GRIA2: variants seen among roughly 807,000 people sequenced by gnomAD.
The protein encoded by GRIA2 is glutamate ionotropic receptor AMPA type subunit 2, also known as glutamate receptor 2.
A neutral mutation model predicts 97.3 loss-of-function variants in GRIA2; 14 were observed. The ratio of observed to expected loss-of-function variants is 0.14; its 90% CI spans 0.10 to 0.23. The LOEUF is 0.23. Ranked by LOEUF, GRIA2 falls within the 10% of genes least tolerant of loss-of-function variation. The probability of loss-of-function intolerance (pLI) is 1.00; values close to 1 mark genes in which losing one functional copy is unlikely to be tolerated. For synonymous variants in GRIA2, 412 were observed against 387.8 expected, an observed-to-expected ratio of 1.06 and a Z score of -0.73; for missense variants, 558 against 1,069.8, an observed-to-expected ratio of 0.52 and a Z score of 6.67.
At chr4:157,232,710 C>G (rs1049058259) in intron 2 of GRIA2, among the ~76,000 whole-genome samples, 2 of 152,048 alleles carry the variant, frequency 1.3e-5, no homozygotes, top group African/African-American at 4.8e-5. Context: ...AGAGCACACA[C>G]AAGTTCAGGG....
intron 12 of GRIA2, among the ~76,000 whole-genome samples, chr4:157,350,748 T>G (rs995246499): frequency 6.6e-6 from 1 of 152,024 alleles, no homozygotes; most frequent in Non-Finnish European, 1.5e-5. Context: ...AATCTTTAAG[T>G]TTATTAGCTT....
At chr4:157,293,792 A>C (rs921336370) in intron 2 of GRIA2, among the ~76,000 whole-genome samples, 6 of 152,100 alleles carry the variant, frequency 3.9e-5, no homozygotes, top group Admixed American at 2.0e-4. Flanking sequence ...GGCGACAGTC[A>C]GGGCAATGTT....
chr4:157,278,324 A>G (rs1243487512), intron 2 of GRIA2, among the ~76,000 whole-genome samples: 1 of 151,920 alleles, frequency 6.6e-6, no homozygotes, highest in African/African-American at 2.4e-5. Flanking sequence ...GACTCATATA[A>G]GTATAGTCAA....
chr4:157,313,383 T>C (rs1734169773), intron 4 of GRIA2, among the ~76,000 whole-genome samples: 2 of 152,122 alleles, frequency 1.3e-5, no homozygotes. Flanking sequence ...AAAACATTGA[T>C]TTGTGAAATT....
intron 2 of GRIA2, among the ~76,000 whole-genome samples, chr4:157,292,026 A>G (rs967127342): frequency 6.6e-6 from 1 of 152,034 alleles, no homozygotes; most frequent in African/African-American, 2.4e-5. Flanking sequence ...AACTACTGAG[A>G]ATCATAAAAC....
At chr4:157,246,679 A>G (rs1460860406) in intron 2 of GRIA2, among the ~76,000 whole-genome samples, 1 of 152,106 alleles carries the variant, frequency 6.6e-6, no homozygotes, top group African/African-American at 2.4e-5. Context: ...TGTACTCTGT[A>G]ATATCATCTG....
intron 2 of GRIA2, among the ~76,000 whole-genome samples, chr4:157,286,551 A>G (rs898721598): frequency 6.6e-6 from 1 of 151,524 alleles, no homozygotes; most frequent in African/African-American, 2.4e-5. Flanking sequence ...TCTTTATAAT[A>G]TCATCTTTCT....
At chr4:157,274,018 A>G (rs1732160252) in intron 2 of GRIA2, among the ~76,000 whole-genome samples, 1 of 152,126 alleles carries the variant, frequency 6.6e-6, no homozygotes, top group South Asian at 2.1e-4. Context: ...AAAGAATTAT[A>G]TCTGACTTAC....
In GRIA2 at chr4:157,361,190, A is replaced by T; in HGVS notation, c.2406+66A>T. 1 of 1,247,498 alleles carries T rather than the reference A, an allele frequency of 8.0e-7. No individual in the cohort carries two copies. Among genetic ancestry groups the T allele is most frequent in the South Asian group, 1.2e-5 (1 of 81,370 alleles). 77.3% of individuals were successfully genotyped at this position (1,247,498 alleles called of 1,614,324 possible). On this transcript the variant is annotated intron_variant, in intron 14 of 15. Coordinates refer to ENST00000264426, the MANE Select transcript of GRIA2 (RefSeq NM_001083619.3). The surrounding 1 kb of genome is among the most constrained non-coding windows in gnomAD (Gnocchi z 5.2). The stretch of plus-strand genomic sequence containing the variant: ...AACAAAGTAAGCAGCAGCTATGCAC[A>T]GTGTGGGCACTCCGTGCCACCAAGT...
chr4:157,357,395 T>A (rs190800527), intron 12 of GRIA2, among the ~76,000 whole-genome samples: 2 of 152,192 alleles, frequency 1.3e-5, no homozygotes, highest in Admixed American at 1.3e-4. Flanking sequence ...TTTATTAACT[T>A]TGTTAAAAAA....
intron 12 of GRIA2, among the ~76,000 whole-genome samples, chr4:157,343,142 G>A (rs1299980599): frequency 2.6e-5 from 4 of 152,038 alleles, no homozygotes; most frequent in Non-Finnish European, 5.9e-5. Context: ...TGCAATCGTG[G>A]AGGTTGTATA....
intron 12 of GRIA2, among the ~76,000 whole-genome samples, chr4:157,358,252 G>A (rs1380307343): frequency 6.6e-6 from 1 of 152,106 alleles, no homozygotes; most frequent in Non-Finnish European, 1.5e-5. Flanking sequence ...AGTAGGCAAA[G>A]TTTCAGAAAA....
intron 2 of GRIA2, among the ~76,000 whole-genome samples, chr4:157,234,576 C>T (rs560644783): frequency 6.6e-6 from 1 of 152,120 alleles, no homozygotes; most frequent in East Asian, 1.9e-4. Flanking sequence ...ATTCAGTTAC[C>T]AATTCCACCA....
chr4:157,273,526 T>G (rs1034015483), intron 2 of GRIA2, among the ~76,000 whole-genome samples: 3 of 152,018 alleles, frequency 2.0e-5, no homozygotes, highest in African/African-American at 7.2e-5. Context: ...TAAGCATAGA[T>G]AGAAATTCTA....
chr4:157,260,184 A>G (rs746745721), intron 2 of GRIA2, among the ~76,000 whole-genome samples: 3 of 152,122 alleles, frequency 2.0e-5, no homozygotes, highest in Non-Finnish European at 4.4e-5. Flanking sequence ...AATAGTTTAG[A>G]CTTGTCCAGG....
At chr4:157,309,957 G>A (rs1315476441) in intron 3 of GRIA2, among the ~76,000 whole-genome samples, 1 of 152,162 alleles carries the variant, frequency 6.6e-6, no homozygotes, top group African/African-American at 2.4e-5. Context: ...TCTTTAAGAA[G>A]GTGACAAGGG....
chr4:157,313,677 CT>C (rs1278350200), intron 4 of GRIA2, among the ~76,000 whole-genome samples: 1 of 151,804 alleles, frequency 6.6e-6, no homozygotes, highest in Non-Finnish European at 1.5e-5. Flanking sequence ...ATAAGGTCTC[CT>C]TTACTGATAT....
intron 2 of GRIA2, among the ~76,000 whole-genome samples, chr4:157,226,827 A>G (rs1347433606): frequency 2.0e-5 from 3 of 152,178 alleles, no homozygotes; most frequent in Non-Finnish European, 4.4e-5. Flanking sequence ...TTCTTAAGCA[A>G]TGATGACAAA....
intron 3 of GRIA2, among the ~76,000 whole-genome samples, chr4:157,305,839 A>G (rs1733818199): frequency 6.6e-6 from 1 of 152,108 alleles, no homozygotes; most frequent in South Asian, 2.1e-4. Context: ...GCTATGTTCC[A>G]GGGACTGTCT....
Sources: allele counts gnomAD v4.1 joint callset (sites outside exome capture counted in the v4.1 genomes callset), GRCh38; gene constraint gnomAD v4.1.1; non-coding constraint Gnocchi (gnomAD v3.1); transcripts MANE v1.5; gene names NCBI Gene and HGNC (gene_info 2026-07-23, HGNC 2026-07-21).